Variants in COL5A3 observed in about 807,000 individuals in gnomAD.
COL5A3 encodes the protein collagen type V alpha 3 chain.
A neutral mutation model predicts 250.0 loss-of-function variants in COL5A3; 172 were observed. The ratio of observed to expected loss-of-function variants is 0.69; its 90% confidence interval spans 0.61 to 0.78. The LOEUF is 0.78. COL5A3 is among the 30% of genes least tolerant of loss of function. The pLI, the probability that COL5A3 is intolerant of heterozygous loss-of-function variation, is 0.00. For missense variants in COL5A3, 2,340 were observed against 2,334.4 expected, an observed-to-expected ratio of 1.00 and a Z score of -0.05; for synonymous variants, 937 against 900.4, an observed-to-expected ratio of 1.04 and a Z score of -0.73.
At chr19:9,988,180 G>T (rs2087126290) in intron 27 of COL5A3, among the ~76,000 whole-genome samples, 1 of 152,210 alleles carries the variant, frequency 6.6e-6, no homozygotes, top group Non-Finnish European at 1.5e-5. Flanking sequence ...GTTGCGGTGA[G>T]CCCAGGTGGC....
Position 9,972,985 on chromosome 19 carries a change from T to A in COL5A3, c.3708A>T (p.Pro1236=). The part of the protein sequence containing the change: ...GDIGEKGDSG[P]SGAAGPPGKK... Reference sequence around the variant, plus strand: ...TGCCTGGGGGTCCAGCAGCTCCAGATGGGCCTGAGTCCCCCTTTTCACCAA... The same window carrying A: ...TGCCTGGGGGTCCAGCAGCTCCAGAAGGGCCTGAGTCCCCCTTTTCACCAA... Residue 1236 remains proline, a synonymous_variant, in exon 51 of 67, where the codon CCA becomes CCT. Transcript: ENST00000264828. 1.2e-6 allele frequency: 2 copies of A among 1,611,668 alleles called. No homozygotes were observed. The highest frequency in any genetic ancestry group is 4.5e-5 in the East Asian group (2 of 44,870).
chr19:9,982,802 TC>T (rs1263538395), intron 31 of COL5A3, among the ~76,000 whole-genome samples: 2 of 152,104 alleles, frequency 1.3e-5, no homozygotes, highest in African/African-American at 4.8e-5. Flanking sequence ...CATTTCAGGC[TC>T]CCTCTACTCT....
At chr19:9,985,711 C>T in intron 31 of COL5A3, 131 bp downstream of exon 31, 1 of 823,602 alleles carries the variant, frequency 1.2e-6, no homozygotes, top group Admixed American at 2.2e-5. Flanking sequence ...TGGCCAAAGC[C>T]CACATTTTAC....
chr19:9,967,772 G>A (rs560362600), intron 61 of COL5A3, 132 bp downstream of exon 61: 117 of 869,148 alleles, frequency 1.3e-4, no homozygotes, highest in South Asian at 6.1e-4. Context: ...CGTAGGTGTT[G>A]AATAAATATT....
chr19:9,973,545 G>A, intron 50 of COL5A3, 25 bp downstream of exon 50: 1 of 1,605,076 alleles, frequency 6.2e-7, no homozygotes, highest in East Asian at 2.2e-5. Context: ...GTTGGGTGCA[G>A]GGACCACATC....
intron 1 of COL5A3, among the ~76,000 whole-genome samples, chr19:10,008,106 G>C (rs538416718): frequency 6.6e-6 from 1 of 152,146 alleles, no homozygotes; most frequent in South Asian, 2.1e-4. Context: ...AGGCTCTGCT[G>C]ACCACAAGAG....
chr19:10,004,070 A>T lies in COL5A3; in HGVS notation c.670T>A (p.Cys224Ser). ...GTGGCTGCCGGTGCCAGGTTGTCAC[A>T]GTCGGGGAGGTACCGCTCACAAGCC... ...FQACERYLPDCDNLAPAATVA... is the reference protein window; with the variant it reads ...FQACERYLPDSDNLAPAATVA... Residue 224 changes from cysteine (C) to serine (S), a missense_variant, in exon 5 of 67, where the codon TGT (cysteine) becomes AGT (serine). This residue lies in a region of COL5A3 where 1,152 missense variants were observed against 1,146.3 expected (regional missense o/e 1.00). Transcript: ENST00000264828. 2 of 1,614,062 alleles carry T rather than the reference A, an allele frequency of 1.2e-6. No homozygotes were observed. Among genetic ancestry groups the T allele is most frequent in the Non-Finnish European group, 1.7e-6 (2 of 1,179,954 alleles).
In COL5A3 at chr19:9,976,559, G is replaced by A. The variant is rs750592534; in HGVS notation, c.3341C>T (p.Pro1114Leu). 3.2e-5 allele frequency: 50 copies of A among 1,565,258 alleles called. No homozygotes were observed. The highest frequency in any genetic ancestry group is 2.2e-4 in the South Asian group (18 of 81,934). Residue 1114 changes from proline to leucine, a missense_variant and splice_region_variant, in exon 45 of 67, where the codon CCG becomes CTG. Transcript: ENST00000264828. The part of the protein sequence containing the change: ...IRGPAGHPGP[P>L]GADGAQGRRG... Reference sequence around the variant, plus strand: ...GACTGAAAAGATGGGGGCACTCACCGGGGGACCTGGGTGTCCTGCAGGACC... The same window carrying A: ...GACTGAAAAGATGGGGGCACTCACCAGGGGACCTGGGTGTCCTGCAGGACC...
Position 9,989,145 on chromosome 19 carries a change from A to G in COL5A3, c.2124T>C (p.Tyr708=). The change falls in exon 27 of 67, where the codon TAT becomes TAC. Residue 708 remains tyrosine, a synonymous_variant. Transcript: ENST00000264828. ...CTACCTTCACTCCCCGAGGTCCAGG[A>G]TAGCCCGGAGGGCCTGCCGACCCTG... is the stretch of plus-strand genomic sequence containing the variant. ...GPPGSAGPPG[Y]PGPRGVKGTS... The G allele has an allele frequency of 6.2e-7, 1 of 1,614,224 alleles. No individual in the cohort carries two copies. The highest frequency in any genetic ancestry group is 8.5e-7 in the Non-Finnish European group (1 of 1,180,036).
chr19:9,997,203 A>C, intron 11 of COL5A3, 168 bp downstream of exon 11: 1 of 663,946 alleles, frequency 1.5e-6, no homozygotes, highest in South Asian at 1.7e-5. Flanking sequence ...CACAAGGTGA[A>C]CCAGAGAAAT....
chr19:10,008,417 T>C (rs1211321214), intron 1 of COL5A3, among the ~76,000 whole-genome samples: 1 of 141,344 alleles, frequency 7.1e-6, no homozygotes, highest in Non-Finnish European at 1.5e-5. Context: ...ACAAGCTGCA[T>C]TGAGTCCTGC....
At position 9,967,353 on chromosome 19, in the gene COL5A3, G is replaced by A. The variant is rs1238752932; in HGVS notation, c.4452C>T (p.Gly1484=). 1 of 1,443,136 alleles carries A rather than the reference G, an allele frequency of 6.9e-7. No homozygotes were observed. The highest frequency in any genetic ancestry group is 9.1e-7 in the Non-Finnish European group (1 of 1,104,006). 89.4% of individuals were successfully genotyped at this position (1,443,136 alleles called of 1,614,324 possible). ...CGCCCCCCGGGGAACTCACCGGGGG[G>A]CCTGGTGGGCCTGCAGGTCCAGTGT... ...RGDTGPAGPP[G]PPGAPAELHG... is the part of the protein sequence containing the mutation. Residue 1484 remains glycine (G), a synonymous_variant, in exon 62 of 67, where the codon GGC becomes GGT. Coordinates refer to ENST00000264828, the MANE Select transcript of COL5A3 (RefSeq NM_015719.4).
chr19:10,010,221 C>A, intron 1 of COL5A3, 77 bp downstream of exon 1: 2 of 1,036,040 alleles, frequency 1.9e-6, no homozygotes, highest in Non-Finnish European at 1.3e-6. Context: ...CGCCCCTCCA[C>A]CCCCCTCCAC....
chr19:10,002,086 G>A (rs2087371864), intron 6 of COL5A3, among the ~76,000 whole-genome samples: 1 of 152,186 alleles, frequency 6.6e-6, no homozygotes, highest in Non-Finnish European at 1.5e-5. Flanking sequence ...GATGGAGGAG[G>A]TGCTGAGTCA....
intron 41 of COL5A3, 21 bp downstream of exon 41, chr19:9,978,553 A>G (rs766029016): frequency 9.7e-6 from 15 of 1,546,812 alleles, no homozygotes; most frequent in Non-Finnish European, 1.1e-5. Flanking sequence ...GCCCCCACCC[A>G]GCACATGGGG....
intron 24 of COL5A3, among the ~76,000 whole-genome samples, chr19:9,991,334 G>T (rs1322606211): frequency 1.3e-5 from 2 of 152,224 alleles, no homozygotes; most frequent in Admixed American, 1.3e-4. Flanking sequence ...GACCCACAGG[G>T]CCTGTGCCTC....
intron 8 of COL5A3, among the ~76,000 whole-genome samples, chr19:9,998,841 C>A (rs143351767): frequency 6.6e-6 from 1 of 151,902 alleles, no homozygotes; most frequent in Non-Finnish European, 1.5e-5. Context: ...CCCGCCAACA[C>A]GCCTGGCTAA....
intron 51 of COL5A3, among the ~76,000 whole-genome samples, chr19:9,971,575 A>C (rs1341472467): frequency 6.6e-6 from 1 of 151,940 alleles, no homozygotes; most frequent in Non-Finnish European, 1.5e-5. Flanking sequence ...TCATTCATTC[A>C]TTCATCCATC....
rs1274390055 is a variant in COL5A3, at chr19:9,965,155, T to C, written c.4782+1159A>G. 3.1e-4 allele frequency among the ~76,000 whole-genome samples: 30 copies of C among 95,310 alleles called. No individual in the cohort carries two copies. The South Asian group carries it at 3.6e-3, about 11-fold the overall frequency. The allele number at this position is 95,310 out of a possible 152,430, so 62.5% of individuals were successfully genotyped here. On this transcript the variant is annotated intron_variant, in intron 64 of 66. Transcript: ENST00000264828. ...ATACTTTCTTTTTTTCTTTTCTTTT[T>C]CTTTTTTTTTTTTTTTTGAGATGGA...
Sources: gnomAD v4.1 joint callset for allele counts (sites outside exome capture counted in the v4.1 genomes callset) on GRCh38, gnomAD v4.1.1 for gene constraint, gnomAD v4.1.1 regional missense constraint, MANE v1.5 for transcripts, NCBI Gene and HGNC (gene_info 2026-07-23, HGNC 2026-07-21) for gene names.